CDKAL1: variants seen among roughly 807,000 people sequenced by gnomAD.
CDKAL1 encodes the protein threonylcarbamoyladenosine tRNA methylthiotransferase.
In CDKAL1, 32 loss-of-function variants were observed where a neutral mutation model predicts 68.2. The observed-to-expected ratio is 0.47, with a 90% CI of 0.35 to 0.63. CDKAL1 has a LOEUF of 0.63. CDKAL1 is among the 30% of genes least tolerant of loss of function. The pLI is 0.00. For synonymous variants in CDKAL1, 234 were observed against 244.3 expected (o/e 0.96, Z 0.39); for missense variants, 606 against 696.7 (o/e 0.87, Z 1.47).
At chr6:20,709,887 A>G (rs1441355894) in intron 5 of CDKAL1, among the ~76,000 whole-genome samples, 4 of 152,144 alleles carry the variant, frequency 2.6e-5, no homozygotes, top group South Asian at 4.1e-4. Context: ...GAATTTCTCT[A>G]TGTTTTTATT....
chr6:20,603,649 G>A (rs144468967), intron 4 of CDKAL1, among the ~76,000 whole-genome samples: 212 of 152,274 alleles, frequency 1.4e-3, no homozygotes, highest in Non-Finnish European at 2.3e-3. Flanking sequence ...AAGGACAATG[G>A]TGAAGGAAGA....
intron 9 of CDKAL1, among the ~76,000 whole-genome samples, chr6:20,857,314 T>A (rs1759388080): frequency 6.6e-6 from 1 of 152,110 alleles, no homozygotes; most frequent in Non-Finnish European, 1.5e-5. Context: ...CCTGTGACAA[T>A]ATAATTGGGT....
At chr6:20,739,221 T>C (rs1369894851) in intron 5 of CDKAL1, among the ~76,000 whole-genome samples, 1 of 152,210 alleles carries the variant, frequency 6.6e-6, no homozygotes, top group Non-Finnish European at 1.5e-5. Flanking sequence ...AATGCAGTTT[T>C]CAAGAATGAT....
chr6:20,998,401 C>T (rs1471230963), intron 10 of CDKAL1, among the ~76,000 whole-genome samples: 1 of 152,060 alleles, frequency 6.6e-6, no homozygotes, highest in East Asian at 1.9e-4. Flanking sequence ...CACCTGAGGT[C>T]GGGAGTTCAA....
chr6:20,987,805 G>T (rs1006149601), intron 10 of CDKAL1, among the ~76,000 whole-genome samples: 2 of 151,814 alleles, frequency 1.3e-5, no homozygotes, highest in African/African-American at 4.8e-5. Flanking sequence ...TTTGGGACAG[G>T]GTCTTACTCT....
At chr6:20,760,269 C>T (rs1043505187) in intron 7 of CDKAL1, among the ~76,000 whole-genome samples, 1 of 152,102 alleles carries the variant, frequency 6.6e-6, no homozygotes, top group Non-Finnish European at 1.5e-5. Flanking sequence ...CATGAGCTGC[C>T]ATGCTTGGCC....
At chr6:20,700,614 A>G (rs898225815) in intron 5 of CDKAL1, among the ~76,000 whole-genome samples, 1 of 152,166 alleles carries the variant, frequency 6.6e-6, no homozygotes, top group South Asian at 2.1e-4. Flanking sequence ...TAAGTAGCCT[A>G]AATTTCATGG....
intron 12 of CDKAL1, among the ~76,000 whole-genome samples, chr6:21,074,396 T>C (rs1370209256): frequency 6.6e-6 from 1 of 152,214 alleles, no homozygotes; most frequent in African/African-American, 2.4e-5. Flanking sequence ...ACTAGTTATG[T>C]CTGAAACAAG....
At chr6:20,924,822 G>A (rs922011922) in intron 9 of CDKAL1, among the ~76,000 whole-genome samples, 14 of 152,308 alleles carry the variant, frequency 9.2e-5, no homozygotes, top group Admixed American at 2.6e-4. Context: ...CGATGAAGGC[G>A]CCTATGCTAA....
intron 7 of CDKAL1, among the ~76,000 whole-genome samples, chr6:20,768,157 C>T (rs1227131657): frequency 2.0e-5 from 3 of 152,122 alleles, no homozygotes; most frequent in Non-Finnish European, 2.9e-5. Context: ...TTGGGTGCTG[C>T]TGTGACAGGT....
At chr6:20,811,922 A>G (rs1245860927) in intron 8 of CDKAL1, among the ~76,000 whole-genome samples, 1 of 152,068 alleles carries the variant, frequency 6.6e-6, no homozygotes, top group Non-Finnish European at 1.5e-5. Context: ...TTCTTTTTAC[A>G]TCCCTTTACA....
At chr6:20,933,077 G>A (rs1763542788) in intron 9 of CDKAL1, among the ~76,000 whole-genome samples, 1 of 152,086 alleles carries the variant, frequency 6.6e-6, no homozygotes, top group Non-Finnish European at 1.5e-5. Flanking sequence ...CCCAAGGAGA[G>A]AAAAAATGGA....
At chr6:21,230,778 T>TTG in intron 15 of CDKAL1, 70 bp from the exon 16 acceptor site, 1 of 1,241,250 alleles carries the variant, frequency 8.1e-7, no homozygotes, top group Non-Finnish European at 1.1e-6. Flanking sequence ...AACCCATTGC[T>TTG]TGATTGATAT....
intron 4 of CDKAL1, among the ~76,000 whole-genome samples, chr6:20,563,650 G>A (rs1361680390): frequency 3.3e-5 from 5 of 150,618 alleles, no homozygotes; most frequent in African/African-American, 9.8e-5. Context: ...CCTAGCCAAC[G>A]AGGGCTTTTT....
intron 9 of CDKAL1, among the ~76,000 whole-genome samples, chr6:20,953,800 G>T (rs892435301): frequency 6.6e-6 from 1 of 152,148 alleles, no homozygotes; most frequent in African/African-American, 2.4e-5. Flanking sequence ...TTAAGCAAAG[G>T]TTTATTATTT....
intron 9 of CDKAL1, among the ~76,000 whole-genome samples, chr6:20,940,259 A>G (rs2150694336): frequency 6.6e-6 from 1 of 152,324 alleles, no homozygotes; most frequent in Middle Eastern, 3.4e-3. Flanking sequence ...TCTATCAATC[A>G]TATCACTTCA....
intron 9 of CDKAL1, among the ~76,000 whole-genome samples, chr6:20,877,240 G>T (rs1760565972): frequency 6.6e-6 from 1 of 152,160 alleles, no homozygotes; most frequent in Admixed American, 6.5e-5. Context: ...TACGACTGAG[G>T]GATATGAAAA....
intron 8 of CDKAL1, among the ~76,000 whole-genome samples, chr6:20,814,391 A>G (rs923931856): frequency 6.6e-6 from 1 of 152,066 alleles, no homozygotes; most frequent in African/African-American, 2.4e-5. Context: ...TATGACTTTT[A>G]TGCCTCTAGT....
intron 4 of CDKAL1, among the ~76,000 whole-genome samples, chr6:20,645,774 ATTTTATTTATTTAT>A (rs1768423522): frequency 6.9e-5 from 4 of 58,252 alleles, no homozygotes; most frequent in Non-Finnish European, 1.9e-4. Flanking sequence ...AAATAATTTT[ATTTTATTTATTTAT>A]TTTATTTTTA....
Sources: gnomAD v4.1 joint callset for allele counts (sites outside exome capture counted in the v4.1 genomes callset) on GRCh38, gnomAD v4.1.1 for gene constraint, MANE v1.5 for transcripts, NCBI Gene and HGNC (gene_info 2026-07-23, HGNC 2026-07-21) for gene names.